The following NAV3 variants were observed in gnomAD, a reference collection of about 807,000 sequenced individuals.
NAV3 encodes the protein neuron navigator 3.
Under a neutral mutation model 244.7 loss-of-function variants are expected in NAV3, and 87 were observed. That is an observed-to-expected ratio of 0.36 (90% CI 0.30 to 0.42). The LOEUF (loss-of-function observed/expected upper bound fraction) is 0.42. Ranked by LOEUF, NAV3 falls within the 20% of genes least tolerant of loss-of-function variation. The probability of loss-of-function intolerance (pLI) is 1.00; values close to 1 mark genes in which losing one functional copy is unlikely to be tolerated. For missense variants in NAV3, 2,663 were observed against 2,893.3 expected, an observed-to-expected ratio of 0.92 and a Z score of 1.83; for synonymous variants, 1,126 against 1,042.2, an observed-to-expected ratio of 1.08 and a Z score of -1.55.
intron 1 of NAV3, among the ~76,000 whole-genome samples, chr12:77,917,298 C>T (rs1027067770): frequency 6.6e-6 from 1 of 151,792 alleles, no homozygotes; most frequent in Non-Finnish European, 1.5e-5. Context: ...GTATGAATTA[C>T]CAGAACCAGG....
At chr12:77,626,902 T>G (rs1252629689) in intron 2 of NAV3, among the ~76,000 whole-genome samples, 1 of 151,682 alleles carries the variant, frequency 6.6e-6, no homozygotes, top group Non-Finnish European at 1.5e-5. Flanking sequence ...GATACACAAA[T>G]GAAAGAGAAG....
intron 1 of NAV3, among the ~76,000 whole-genome samples, chr12:77,935,633 A>G (rs1889248468): frequency 6.6e-6 from 1 of 152,198 alleles, no homozygotes; most frequent in South Asian, 2.1e-4. Flanking sequence ...AATCCTCACA[A>G]TAATTCCATT....
At chr12:77,895,339 T>TG in intron 1 of NAV3, among the ~76,000 whole-genome samples, 1 of 105,304 alleles carries the variant, frequency 9.5e-6, no homozygotes, top group Non-Finnish European at 2.0e-5. Context: ...GTGTGTGTGT[T>TG]TATTTTGTGG....
intron 2 of NAV3, among the ~76,000 whole-genome samples, chr12:77,825,744 A>G (rs1872956600): frequency 6.6e-6 from 1 of 152,150 alleles, no homozygotes; most frequent in Non-Finnish European, 1.5e-5. Context: ...TCTTCTAACA[A>G]AAAGCAAGCT....
At chr12:77,614,994 G>A (rs1336840412) in intron 2 of NAV3, among the ~76,000 whole-genome samples, 1 of 152,098 alleles carries the variant, frequency 6.6e-6, no homozygotes, top group Non-Finnish European at 1.5e-5. Flanking sequence ...TGGATGAGAA[G>A]GTCAGCCAAA....
chr12:77,837,091 G>T (rs955868053), intron 1 of NAV3, among the ~76,000 whole-genome samples: 6 of 151,988 alleles, frequency 3.9e-5, no homozygotes, highest in African/African-American at 1.4e-4. Context: ...CAATTCTTTT[G>T]CAGAATGTTA....
intron 12 of NAV3, among the ~76,000 whole-genome samples, chr12:78,078,822 C>T (rs1953202890): frequency 6.6e-6 from 1 of 152,082 alleles, no homozygotes; most frequent in Non-Finnish European, 1.5e-5. Context: ...TTTGGTTTCC[C>T]CTCCCTTCAA....
intron 1 of NAV3, among the ~76,000 whole-genome samples, chr12:77,871,086 C>G (rs1880881373): frequency 6.6e-6 from 1 of 152,130 alleles, no homozygotes; most frequent in Non-Finnish European, 1.5e-5. Context: ...GCTCTTGAAT[C>G]TAAGCATTTA....
At chr12:77,781,513 C>T (rs1338664611) in intron 2 of NAV3, among the ~76,000 whole-genome samples, 2 of 152,150 alleles carry the variant, frequency 1.3e-5, no homozygotes, top group Non-Finnish European at 2.9e-5. Context: ...AACCTCCCCA[C>T]CCCCTGCTTT....
intron 2 of NAV3, among the ~76,000 whole-genome samples, chr12:77,580,219 AACACACACACACACACACACACAC>A (rs59671759): frequency 6.9e-6 from 1 of 145,394 alleles, no homozygotes; most frequent in East Asian, 2.0e-4. Context: ...GTAGGGTGGG[AACACACACACACACACACACACAC>A]ACACACACAC....
intron 21 of NAV3, among the ~76,000 whole-genome samples, chr12:78,147,373 A>T (rs17044933): frequency 6.6e-6 from 1 of 151,966 alleles, no homozygotes; most frequent in Admixed American, 6.6e-5. Flanking sequence ...CCCTTTTATC[A>T]TTGATGCTGT....
At chr12:77,788,831 A>C (rs1185771489) in intron 2 of NAV3, among the ~76,000 whole-genome samples, 1 of 152,116 alleles carries the variant, frequency 6.6e-6, no homozygotes, top group African/African-American at 2.4e-5. Context: ...AGACAAAATA[A>C]AAACAGAAAG....
intron 9 of NAV3, among the ~76,000 whole-genome samples, chr12:78,042,610 T>C (rs1881055197): frequency 6.6e-6 from 1 of 152,012 alleles, no homozygotes; most frequent in Non-Finnish European, 1.5e-5. Flanking sequence ...ATGACCAACA[T>C]GGTGAAACCC....
At chr12:78,054,789 G>T (rs905534082) in intron 11 of NAV3, among the ~76,000 whole-genome samples, 4 of 151,988 alleles carry the variant, frequency 2.6e-5, no homozygotes, top group African/African-American at 4.8e-5. Context: ...AGAGAAAATC[G>T]GCAGAGAGAG....
intron 9 of NAV3, among the ~76,000 whole-genome samples, chr12:78,047,549 G>T (rs1566059045): frequency 6.6e-6 from 1 of 152,124 alleles, no homozygotes; most frequent in Non-Finnish European, 1.5e-5. Flanking sequence ...CACTCCCTCT[G>T]GCTTTTAGGG....
intron 2 of NAV3, among the ~76,000 whole-genome samples, chr12:77,773,721 G>C (rs920564141): frequency 3.3e-5 from 5 of 152,088 alleles, no homozygotes; most frequent in African/African-American, 1.2e-4. Flanking sequence ...TGAGTAACCC[G>C]CAAATATGTA....
chr12:78,166,261 A>G (rs1163328672), intron 23 of NAV3, among the ~76,000 whole-genome samples: 1 of 151,872 alleles, frequency 6.6e-6, no homozygotes, highest in Non-Finnish European at 1.5e-5. Flanking sequence ...GAAAAATTAT[A>G]TGGAAAGCTC....
chr12:77,954,293 G>T (rs1891164707), intron 3 of NAV3, among the ~76,000 whole-genome samples: 1 of 152,126 alleles, frequency 6.6e-6, no homozygotes, highest in Admixed American at 6.6e-5. Context: ...GTTTGTACCT[G>T]GCACTATTTC....
rs1367960430 is a variant in NAV3 at position 78,118,133 on chromosome 12, G to T, written c.2876G>T (p.Gly959Val). The change falls in exon 14 of 40, where the codon GGC (glycine) becomes GTC (valine). Residue 959 changes from glycine to valine, a missense_variant. Coordinates refer to ENST00000397909, the MANE Select transcript of NAV3 (RefSeq NM_001024383.2). Reference protein sequence around the residue: ...EDFDSHGDAGGKWKTVSSGLP... With the variant: ...EDFDSHGDAGVKWKTVSSGLP... ...TTTGACAGCCATGGGGATGCTGGTG[G>T]CAAGTGGAAGACTGTGTCCTCTGGA... The T allele has an allele frequency of 6.2e-7, 1 of 1,614,048 alleles. No individual in the cohort carries two copies. Among genetic ancestry groups the T allele is most frequent in the Non-Finnish European group, 8.5e-7 (1 of 1,180,018 alleles).
Sources: allele counts gnomAD v4.1 joint callset (sites outside exome capture counted in the v4.1 genomes callset), GRCh38; gene constraint gnomAD v4.1.1; transcripts MANE v1.5; gene names NCBI Gene and HGNC (gene_info 2026-07-23, HGNC 2026-07-21).